LHFPL3: variants seen among roughly 807,000 people sequenced by gnomAD.
LHFPL3 encodes the protein LHFPL tetraspan subfamily member 3 protein.
A neutral mutation model predicts 19.3 loss-of-function variants in LHFPL3; 5 were observed. The observed-to-expected ratio is 0.26, with a 90% CI of 0.14 to 0.54. The LOEUF (loss-of-function observed/expected upper bound fraction) is 0.54. Among genes scored for constraint, LHFPL3 ranks in the 20% least tolerant of loss-of-function variants. The pLI, the probability that LHFPL3 is intolerant of heterozygous loss-of-function variation, is 0.94. For missense variants in LHFPL3, 249 were observed against 307.4 expected, an observed-to-expected ratio of 0.81 and a Z score of 1.42; for synonymous variants, 133 against 126.2, an observed-to-expected ratio of 1.05 and a Z score of -0.36.
intron 2 of LHFPL3, among the ~76,000 whole-genome samples, chr7:104,889,079 T>C (rs1015426000): frequency 6.6e-6 from 1 of 152,026 alleles, no homozygotes; most frequent in Non-Finnish European, 1.5e-5. Flanking sequence ...AAAATCAAAA[T>C]TGGGAGAGAA....
At chr7:104,534,793 T>C (rs1055340224) in intron 1 of LHFPL3, among the ~76,000 whole-genome samples, 5 of 152,260 alleles carry the variant, frequency 3.3e-5, no homozygotes, top group African/African-American at 1.2e-4. Flanking sequence ...AGTTTTACAC[T>C]ATTACTTTAG....
At chr7:104,417,841 C>T (rs1320707383) in intron 1 of LHFPL3, among the ~76,000 whole-genome samples, 4 of 149,958 alleles carry the variant, frequency 2.7e-5, no homozygotes, top group Non-Finnish European at 4.4e-5. Flanking sequence ...TACTGTTATT[C>T]GTATTTTCTT....
At chr7:104,333,376 T>C (rs1016476108) in intron 1 of LHFPL3, among the ~76,000 whole-genome samples, 106 of 152,378 alleles carry the variant, frequency 7.0e-4, no homozygotes, top group African/African-American at 2.5e-3. Flanking sequence ...CTCGCTTTCA[T>C]CTGTGGAGAT....
intron 2 of LHFPL3, among the ~76,000 whole-genome samples, chr7:104,765,504 G>A (rs1307776189): frequency 2.0e-5 from 3 of 152,196 alleles, no homozygotes; most frequent in East Asian, 3.8e-4. Flanking sequence ...ATTCATCCTT[G>A]CTTCTTGTCA....
chr7:104,672,067 G>A (rs1218392006), intron 1 of LHFPL3, among the ~76,000 whole-genome samples: 7 of 149,442 alleles, frequency 4.7e-5, no homozygotes, highest in African/African-American at 1.7e-4. Flanking sequence ...AAGTGTGTGT[G>A]TGTGTGTGTG....
chr7:104,906,785 GTAATTAGTTACAACCACTCAGT>G lies in LHFPL3; in HGVS notation c.*573_*594del, dbSNP rs1320558473. The G allele has an allele frequency of 6.5e-6, 1 of 152,942 alleles. No homozygotes were observed. Among genetic ancestry groups the G allele is most frequent in the Non-Finnish European group, 1.5e-5 (1 of 68,284 alleles). 9.5% of individuals were successfully genotyped at this position (152,942 alleles called of 1,614,324 possible). ...CTCTACCATTCATTTACTTCACTGT[GTAATTAGTTACAACCACTCAGT>G]TATTAAGAGACGTAACGCTTCAAAC... On this transcript the variant is annotated 3_prime_UTR_variant, in exon 3 of 3. Transcript: ENST00000424859.
intron 1 of LHFPL3, among the ~76,000 whole-genome samples, chr7:104,693,091 C>G (rs1457550342): frequency 6.6e-6 from 1 of 152,226 alleles, no homozygotes; most frequent in Non-Finnish European, 1.5e-5. Context: ...TCATTCGGAG[C>G]TTTAAGATTT....
chr7:104,419,676 G>A (rs62485084), intron 1 of LHFPL3, among the ~76,000 whole-genome samples: 30,929 of 152,114 alleles, frequency 0.2, 3,575 homozygotes, highest in Admixed American at 0.33. Flanking sequence ...GAACTTGAGA[G>A]AAGGATGAAG....
chr7:104,391,367 T>C (rs139113222), intron 1 of LHFPL3, among the ~76,000 whole-genome samples: 6,882 of 152,226 alleles, frequency 0.045, 517 homozygotes, highest in African/African-American at 0.16. Flanking sequence ...TTGTATAAGG[T>C]GTAAGGAAGG....
At chr7:104,461,736 C>CT (rs1445336949) in intron 1 of LHFPL3, among the ~76,000 whole-genome samples, 1 of 151,846 alleles carries the variant, frequency 6.6e-6, no homozygotes, top group South Asian at 2.1e-4. Flanking sequence ...TATTTGGGCT[C>CT]TTTTTTTGGT....
At chr7:104,563,733 G>A (rs1331837985) in intron 1 of LHFPL3, among the ~76,000 whole-genome samples, 2 of 147,366 alleles carry the variant, frequency 1.4e-5, no homozygotes, top group Admixed American at 6.8e-5. Context: ...AAACCAGGAA[G>A]TAGGCCCTCA....
intron 2 of LHFPL3, among the ~76,000 whole-genome samples, chr7:104,816,216 T>C (rs887844212): frequency 6.6e-6 from 1 of 152,190 alleles, no homozygotes; most frequent in Non-Finnish European, 1.5e-5. Flanking sequence ...CCAAGCTTTT[T>C]CCATAATTAG....
At chr7:104,517,899 G>A (rs183761641) in intron 1 of LHFPL3, among the ~76,000 whole-genome samples, 1 of 152,192 alleles carries the variant, frequency 6.6e-6, no homozygotes, top group East Asian at 1.9e-4. Flanking sequence ...ATAACATTAG[G>A]AGAAATACCT....
intron 2 of LHFPL3, among the ~76,000 whole-genome samples, chr7:104,870,097 G>T (rs59335487): frequency 0.23 from 34,592 of 151,118 alleles, 4,177 homozygotes; most frequent in South Asian, 0.38. Context: ...GCTGTGGGGT[G>T]GGGGGACGGG....
At chr7:104,788,258 T>C (rs1481906779) in intron 2 of LHFPL3, among the ~76,000 whole-genome samples, 1 of 152,162 alleles carries the variant, frequency 6.6e-6, no homozygotes, top group Non-Finnish European at 1.5e-5. Context: ...GCAGCCTAAC[T>C]AGTAGGAAGC....
intron 2 of LHFPL3, among the ~76,000 whole-genome samples, chr7:104,865,583 C>A (rs576140742): frequency 3.9e-5 from 6 of 152,220 alleles, no homozygotes; most frequent in African/African-American, 1.4e-4. Flanking sequence ...TGTGAGAAGA[C>A]CAAATCTACG....
intron 1 of LHFPL3, among the ~76,000 whole-genome samples, chr7:104,508,457 T>G (rs1461782646): frequency 3.9e-4 from 40 of 103,768 alleles, no homozygotes; most frequent in African/African-American, 1.5e-3. Flanking sequence ...TGGGGACTAT[T>G]GTGGGGTGGG....
intron 1 of LHFPL3, among the ~76,000 whole-genome samples, chr7:104,519,165 T>C (rs1173454080): frequency 2.6e-5 from 4 of 152,240 alleles, no homozygotes; most frequent in Non-Finnish European, 4.4e-5. Context: ...AAGACATCTG[T>C]GCTGTACAAA....
At chr7:104,429,488 T>G (rs1336574784) in intron 1 of LHFPL3, among the ~76,000 whole-genome samples, 1 of 151,368 alleles carries the variant, frequency 6.6e-6, no homozygotes, top group Non-Finnish European at 1.5e-5. Context: ...TTGTTTTGTT[T>G]TTTTTTTAGT....
Sources: allele counts gnomAD v4.1 joint callset (sites outside exome capture counted in the v4.1 genomes callset), GRCh38; gene constraint gnomAD v4.1.1; transcripts MANE v1.5; gene names NCBI Gene and HGNC (gene_info 2026-07-23, HGNC 2026-07-21).